Variants in GALNT10 observed in about 807,000 individuals in gnomAD.
The protein encoded by GALNT10 is GalNAc transferase 10.
A neutral mutation model predicts 75.0 loss-of-function variants in GALNT10; 41 were observed. The observed-to-expected ratio is 0.55, with a 90% CI of 0.43 to 0.71. The LOEUF is 0.71. Ranked by LOEUF, GALNT10 falls within the 30% of genes least tolerant of loss-of-function variation. The probability of loss-of-function intolerance (pLI) is 0.00; values close to 1 mark genes in which losing one functional copy is unlikely to be tolerated. For synonymous variants in GALNT10, 302 were observed against 313.0 expected (o/e 0.96, Z 0.37); for missense variants, 727 against 818.5 (o/e 0.89, Z 1.36).
chr5:154,264,702 G>A (rs909796706), intron 1 of GALNT10, among the ~76,000 whole-genome samples: 3 of 152,158 alleles, frequency 2.0e-5, no homozygotes, highest in Non-Finnish European at 4.4e-5. Flanking sequence ...AGAATACCAA[G>A]AGACAGAGAT....
chr5:154,291,750 C>T (rs114159580), intron 1 of GALNT10, among the ~76,000 whole-genome samples: 1,733 of 152,212 alleles, frequency 0.011, 39 homozygotes, highest in African/African-American at 0.039. Context: ...TCTCCTAGTC[C>T]TCATAGTTTC....
rs1756196955 is a variant in GALNT10, at chr5:154,402,845, C to G, written c.1057-1259C>G. On this transcript the variant is annotated intron_variant, in intron 7 of 11. Transcript: ENST00000297107. This position sits in a 1 kb window ranked among gnomAD's most constrained non-coding sequence, Gnocchi z 4.2. ...GGCTCCTCCAAAGCCAGCGGTCCCA[C>G]AGAGAAAGGTGGAAGCCACGGCATC... 1 of 152,308 alleles carries G rather than the reference C, an allele frequency of 6.6e-6. No individual in the cohort carries two copies. The highest frequency in any genetic ancestry group is 6.5e-5 in the Admixed American group (1 of 15,282). 9.4% of individuals were successfully genotyped at this position (152,308 alleles called of 1,614,324 possible).
chr5:154,381,957 C>T (rs574911497), intron 6 of GALNT10, among the ~76,000 whole-genome samples: 4 of 152,254 alleles, frequency 2.6e-5, no homozygotes, highest in Non-Finnish European at 5.9e-5. Context: ...ACCTTAATCA[C>T]ATCTGCGAAG....
chr5:154,317,874 A>G (rs886426447), intron 3 of GALNT10, among the ~76,000 whole-genome samples: 2 of 152,050 alleles, frequency 1.3e-5, no homozygotes, highest in East Asian at 1.9e-4. Context: ...TCTCTCTCCA[A>G]CTCTTGGCTC....
At chr5:154,369,670 C>T (rs772034456) in intron 4 of GALNT10, among the ~76,000 whole-genome samples, 6 of 152,190 alleles carry the variant, frequency 3.9e-5, no homozygotes, top group Non-Finnish European at 5.9e-5. Context: ...TCCCAGGAAA[C>T]AGATGAACTA....
chr5:154,247,789 T>C (rs1164643788), intron 1 of GALNT10, among the ~76,000 whole-genome samples: 2 of 152,222 alleles, frequency 1.3e-5, no homozygotes, highest in Non-Finnish European at 2.9e-5. Context: ...CTTTTCCTAA[T>C]TGAATACCTT....
intron 1 of GALNT10, among the ~76,000 whole-genome samples, chr5:154,271,349 C>T (rs1368243555): frequency 6.6e-6 from 1 of 152,038 alleles, no homozygotes; most frequent in Non-Finnish European, 1.5e-5. Flanking sequence ...GCCTGTAATC[C>T]CAGACACTTG....
rs968585097 is a variant in GALNT10 at position 154,371,721 on chromosome 5, T to C, written c.569-4556T>C. Among the ~76,000 whole-genome samples, 4 of 152,130 alleles carry C rather than the reference T, an allele frequency of 2.6e-5. No homozygotes were observed. In the East Asian group the frequency reaches 7.7e-4, roughly 29 times the overall value. On this transcript the variant is annotated intron_variant, in intron 4 of 11. Transcript: ENST00000297107. ...TAGGTCTCAGTTTTCTCTCCAGTAA[T>C]ATCAGAAGTGATGTTACCTGCCTGC...
intron 4 of GALNT10, among the ~76,000 whole-genome samples, chr5:154,362,268 C>T (rs984375429): frequency 6.6e-6 from 1 of 152,166 alleles, no homozygotes; most frequent in Non-Finnish European, 1.5e-5. Flanking sequence ...GCAGCTCATA[C>T]ATAACCAGAG....
In GALNT10 at chr5:154,298,003, C is replaced by T; in HGVS notation, c.325C>T (p.Arg109Ter). 5.0e-6 allele frequency: 8 copies of T among 1,612,816 alleles called. No homozygotes were observed. The highest frequency in any genetic ancestry group is 1.3e-5 in the African/African-American group (1 of 74,984). ...TGCTGAGAGAGTGGATCAGGCATAC[C>T]GAGAAAATGGATTTAACATCTACGT... Reference protein sequence around the residue: ...TDAERVDQAYRENGFNIYVSD... With the variant: ...TDAERVDQAY The change falls in exon 3 of 12, where the codon CGA (arginine) becomes TGA (stop). Residue 109 changes from arginine (R) to a stop codon, truncating the protein, a stop_gained. Transcript: ENST00000297107. LOFTEE classifies it high-confidence loss of function. This position sits in a 1 kb window ranked among gnomAD's most constrained non-coding sequence, Gnocchi z 4.1.
chr5:154,201,867 T>G (rs1244605654), intron 1 of GALNT10, among the ~76,000 whole-genome samples: 1 of 151,956 alleles, frequency 6.6e-6, no homozygotes, highest in Non-Finnish European at 1.5e-5. Flanking sequence ...AGGCGGAGGT[T>G]GCAGTGAGCT....
chr5:154,415,708 AT>A, intron 10 of GALNT10, 74 bp from the exon 11 acceptor site: 1 of 1,319,462 alleles, frequency 7.6e-7, no homozygotes, highest in South Asian at 1.3e-5. Flanking sequence ...AAATTTTTCC[AT>A]AATTTAAAAA....
intron 4 of GALNT10, among the ~76,000 whole-genome samples, chr5:154,361,083 C>G (rs1755379228): frequency 6.6e-6 from 1 of 152,008 alleles, no homozygotes; most frequent in Admixed American, 6.6e-5. Context: ...TTTTAAAACT[C>G]TGTATCTTTC....
chr5:154,214,620 C>G (rs2113650549), intron 1 of GALNT10, among the ~76,000 whole-genome samples: 1 of 152,126 alleles, frequency 6.6e-6, no homozygotes, highest in East Asian at 1.9e-4. Context: ...TATTGCACAA[C>G]TCAGTATATT....
At chr5:154,339,517 AAAC>A (rs1168645469) in intron 4 of GALNT10, among the ~76,000 whole-genome samples, 1 of 152,146 alleles carries the variant, frequency 6.6e-6, no homozygotes, top group Non-Finnish European at 1.5e-5. Flanking sequence ...TTAAAAAAAA[AAAC>A]CCAGGATTTT....
chr5:154,297,869 A>T, intron 2 of GALNT10, 72 bp from the exon 3 acceptor site: 1 of 1,337,060 alleles, frequency 7.5e-7, no homozygotes, highest in Non-Finnish European at 1.0e-6. Context: ...CATATTTTTC[A>T]TCCTTTTTCC....
intron 1 of GALNT10, among the ~76,000 whole-genome samples, chr5:154,212,909 A>C (rs952587158): frequency 6.6e-6 from 1 of 151,012 alleles, no homozygotes; most frequent in East Asian, 2.0e-4. Context: ...CGGAGCTTGC[A>C]GTGAGCGGAG....
In GALNT10 at chr5:154,356,675, C is replaced by T. The variant is rs116742176; in HGVS notation, c.569-19602C>T. 9.3e-3 allele frequency among the ~76,000 whole-genome samples: 1,414 copies of T among 152,262 alleles called. 28 individuals are homozygous for T. Among genetic ancestry groups the T allele is most frequent in the African/African-American group, 0.033 (1,375 of 41,546 alleles). ...CCCTGAAGGTGGGAGAAGGGAGACC[C>T]TGGGAGAACCTGGGCTGCACTCCAG... is the stretch of plus-strand genomic sequence containing the variant. On this transcript the variant is annotated intron_variant, in intron 4 of 11. Transcript: ENST00000297107.
intron 4 of GALNT10, among the ~76,000 whole-genome samples, chr5:154,355,345 G>C (rs1561670090): frequency 6.6e-6 from 1 of 152,194 alleles, no homozygotes; most frequent in Non-Finnish European, 1.5e-5. Flanking sequence ...AGAGGCCCAG[G>C]GCAATCAGGC....
Sources: gnomAD v4.1 joint callset for allele counts (sites outside exome capture counted in the v4.1 genomes callset) on GRCh38, gnomAD v4.1.1 for gene constraint, Gnocchi (gnomAD v3.1) non-coding constraint, MANE v1.5 for transcripts, NCBI Gene and HGNC (gene_info 2026-07-23, HGNC 2026-07-21) for gene names.